The following MAP4K4 variants were observed in gnomAD, a reference collection of about 807,000 sequenced individuals.
MAP4K4 encodes the protein HPK/GCK-like kinase HGK.
In MAP4K4, 38 loss-of-function variants were observed where a neutral mutation model predicts 189.6. That is an observed-to-expected ratio of 0.20 (90% CI 0.15 to 0.26). MAP4K4 has a LOEUF of 0.26. Among genes scored for constraint, MAP4K4 ranks in the 10% least tolerant of loss-of-function variants. MAP4K4 has a pLI of 1.00. For synonymous variants in MAP4K4, 610 were observed against 624.3 expected (o/e 0.98, Z 0.34); for missense variants, 1,054 against 1,726.9 (o/e 0.61, Z 6.91).
chr2:101,731,377 A>G (rs1259171016), intron 2 of MAP4K4, among the ~76,000 whole-genome samples: 1 of 151,868 alleles, frequency 6.6e-6, no homozygotes, highest in East Asian at 2.0e-4. Flanking sequence ...TGGCCATCCA[A>G]AGTGCTGGGA....
At chr2:101,875,533 A>G (rs984986726) in intron 26 of MAP4K4, among the ~76,000 whole-genome samples, 6 of 152,188 alleles carry the variant, frequency 3.9e-5, no homozygotes, top group African/African-American at 1.4e-4. Flanking sequence ...TGCCGTCACA[A>G]TTATTTATTT....
chr2:101,840,141 C>CCTGG (rs1003116821), intron 10 of MAP4K4, 147 bp downstream of exon 10: 1 of 703,112 alleles, frequency 1.4e-6, no homozygotes, highest in African/African-American at 1.8e-5. Flanking sequence ...AGTGCTTAGG[C>CCTGG]CTGGGGTCCA....
intron 2 of MAP4K4, among the ~76,000 whole-genome samples, chr2:101,759,376 T>C (rs2074601167): frequency 1.3e-5 from 2 of 151,920 alleles, no homozygotes; most frequent in South Asian, 4.2e-4. Flanking sequence ...TTCCCAGCCA[T>C]GAGGAAGGGT....
At chr2:101,828,695 G>A (rs2096473773) in intron 5 of MAP4K4, among the ~76,000 whole-genome samples, 1 of 152,210 alleles carries the variant, frequency 6.6e-6, no homozygotes, top group South Asian at 2.1e-4. Flanking sequence ...TTTGGATTGA[G>A]ACATTTTAGA....
intron 13 of MAP4K4, among the ~76,000 whole-genome samples, chr2:101,858,746 CAG>C (rs757351800): frequency 1.4e-4 from 21 of 152,166 alleles, no homozygotes; most frequent in Non-Finnish European, 3.1e-4. Context: ...TGTGTTCTAA[CAG>C]AAGTACTCTT....
At chr2:101,780,332 TC>T (rs1224818896) in intron 2 of MAP4K4, among the ~76,000 whole-genome samples, 1 of 152,186 alleles carries the variant, frequency 6.6e-6, no homozygotes, top group Non-Finnish European at 1.5e-5. Flanking sequence ...TGAGAAGAGT[TC>T]AGTTTGAGTG....
At position 101,839,802 on chromosome 2, in the gene MAP4K4, T is replaced by C; in HGVS notation, c.774-17T>C. ...TCTTTGTGGTGGAAATTTGATGATC[T>C]TTTTCACTTCTTACAGGTCGAAGAA... On this transcript the variant is annotated splice_polypyrimidine_tract_variant and intron_variant, in intron 9 of 32. Transcript: ENST00000324219. The C allele has an allele frequency of 6.4e-7, 1 of 1,551,292 alleles. No individual in the cohort carries two copies. The highest frequency in any genetic ancestry group is 8.7e-7 in the Non-Finnish European group (1 of 1,153,704).
intron 2 of MAP4K4, among the ~76,000 whole-genome samples, chr2:101,762,357 C>T (rs887033525): frequency 1.3e-5 from 2 of 152,148 alleles, no homozygotes; most frequent in African/African-American, 2.4e-5. Flanking sequence ...ATAGGTAGCC[C>T]AGTTGGTCTT....
At chr2:101,797,889 G>GTTTTTTTTTTGTTTTTTT (rs2093920859) in intron 3 of MAP4K4, among the ~76,000 whole-genome samples, 1 of 52,304 alleles carries the variant, frequency 1.9e-5, no homozygotes, top group African/African-American at 7.6e-5. Flanking sequence ...CATTCTTTTA[G>GTTTTTTTTTTGTTTTTTT]TTTTTTTTTT....
At chr2:101,862,594 T>C (rs1463325319) in intron 16 of MAP4K4, among the ~76,000 whole-genome samples, 1 of 152,240 alleles carries the variant, frequency 6.6e-6, no homozygotes, top group African/African-American at 2.4e-5. Context: ...TTCTGAATTA[T>C]CTAATTTTTG....
chr2:101,756,293 C>A (rs2072748122), intron 2 of MAP4K4, among the ~76,000 whole-genome samples: 1 of 152,098 alleles, frequency 6.6e-6, no homozygotes, highest in Admixed American at 6.6e-5. Context: ...TGCTGTCAGA[C>A]CCTCCTGCAA....
At chr2:101,817,840 T>G (rs528671392) in intron 3 of MAP4K4, among the ~76,000 whole-genome samples, 9 of 152,338 alleles carry the variant, frequency 5.9e-5, no homozygotes, top group African/African-American at 2.2e-4. Flanking sequence ...AGCAGGCTGT[T>G]GTTAAATTTG....
At chr2:101,864,730 C>T (rs2097767030) in intron 17 of MAP4K4, among the ~76,000 whole-genome samples, 200 bp from the exon 18 acceptor site, 2 of 152,156 alleles carry the variant, frequency 1.3e-5, no homozygotes, top group African/African-American at 4.8e-5. Context: ...TTTGTACTGG[C>T]TTCTTGGATG....
intron 2 of MAP4K4, among the ~76,000 whole-genome samples, chr2:101,725,622 G>A (rs1454452923): frequency 6.6e-6 from 1 of 152,142 alleles, no homozygotes; most frequent in Admixed American, 6.5e-5. Flanking sequence ...TGTGGGGTGA[G>A]TGGAATGTCA....
chr2:101,876,600 AAG>A (rs1380952603), intron 26 of MAP4K4, among the ~76,000 whole-genome samples: 1 of 152,210 alleles, frequency 6.6e-6, no homozygotes, highest in Admixed American at 6.5e-5. Context: ...AGGAAGCACA[AAG>A]AGATCATGGT....
intron 7 of MAP4K4, among the ~76,000 whole-genome samples, chr2:101,833,658 T>C (rs1475162666): frequency 6.6e-6 from 1 of 151,866 alleles, no homozygotes; most frequent in Non-Finnish European, 1.5e-5. Context: ...GATAAGACTT[T>C]AGTATATCAG....
Position 101,808,678 on chromosome 2 carries a change from A to G in MAP4K4, c.181-15250A>G, listed in dbSNP as rs1464429102. On this transcript the variant is annotated intron_variant, in intron 3 of 32. Transcript: ENST00000324219. ...ATTTCTTAATTTTTACTTTCTATGA[A>G]ATATAATTATTCCAGGGATAAAATA... 2.6e-5 allele frequency among the ~76,000 whole-genome samples: 4 copies of G among 152,190 alleles called. No homozygotes were observed. The South Asian group carries it at 8.3e-4, about 32-fold the overall frequency.
chr2:101,790,707 TTC>T lies in MAP4K4; in HGVS notation c.124-11_124-10del, dbSNP rs1374676914. On this transcript the variant is annotated splice_polypyrimidine_tract_variant and intron_variant, in intron 2 of 32. Transcript: ENST00000324219. ...TTGGTGCTGATTTTTGATCTATTTT[TTC>T]TGTTTTTCAGGGTCGACATGTTAAA... 1.2e-6 allele frequency: 2 copies of T among 1,601,104 alleles called. No individual in the cohort carries two copies. The highest frequency in any genetic ancestry group is 1.7e-5 in the Admixed American group (1 of 58,650).
intron 2 of MAP4K4, among the ~76,000 whole-genome samples, chr2:101,772,611 A>G (rs1335339548): frequency 1.3e-5 from 2 of 152,248 alleles, no homozygotes; most frequent in Non-Finnish European, 1.5e-5. Context: ...CTTAGTTTTG[A>G]ATAGTAGTGT....
Sources: allele counts gnomAD v4.1 joint callset (sites outside exome capture counted in the v4.1 genomes callset), GRCh38; gene constraint gnomAD v4.1.1; transcripts MANE v1.5; gene names NCBI Gene and HGNC (gene_info 2026-07-23, HGNC 2026-07-21).